Variants in RINT1 observed in about 807,000 individuals in gnomAD.
RINT1 encodes RAD50 interactor 1.
A neutral mutation model predicts 97.7 loss-of-function variants in RINT1; 75 were observed. That is an observed-to-expected ratio of 0.77 (90% CI 0.64 to 0.93). The LOEUF (loss-of-function observed/expected upper bound fraction) is 0.93, where lower values mean the gene tolerates loss of function less well. RINT1 is among the 40% of genes least tolerant of loss of function. RINT1 has a pLI of 0.00. For synonymous variants in RINT1, 303 were observed against 326.3 expected (o/e 0.93, Z 0.77); for missense variants, 892 against 925.2 (o/e 0.96, Z 0.47).
intron 11 of RINT1, among the ~76,000 whole-genome samples, chr7:105,557,503 A>T (rs1417934187): frequency 6.6e-6 from 1 of 152,160 alleles, no homozygotes; most frequent in African/African-American, 2.4e-5. Context: ...ATATATTCAA[A>T]CATGGACATG....
chr7:105,553,887 ATTTTTTTT>A (rs776924728), intron 10 of RINT1, among the ~76,000 whole-genome samples: 5 of 71,122 alleles, frequency 7.0e-5, no homozygotes, highest in Admixed American at 1.7e-4. Flanking sequence ...TACCCAGCTA[ATTTTTTTT>A]TTTTTTTTTT....
At chr7:105,549,537 C>T (rs886166837) in intron 7 of RINT1, among the ~76,000 whole-genome samples, 1 of 151,394 alleles carries the variant, frequency 6.6e-6, no homozygotes, top group South Asian at 2.1e-4. Flanking sequence ...TTAGGTGAGA[C>T]GGGGTTTCAC....
chr7:105,567,311 ATGTCTTTC>A lies in RINT1; in HGVS notation c.*1_*8del. 1 of 1,577,694 alleles carries A rather than the reference ATGTCTTTC, an allele frequency of 6.3e-7. No homozygotes were observed. The highest frequency in any genetic ancestry group is 2.2e-5 in the East Asian group (1 of 44,474). ...CAAATTGGCCTAATACTGGAAAATA[ATGTCTTTC>A]AGAAAAAGGTTTCTTTGGTTTTTGT... On this transcript the variant is annotated 3_prime_UTR_variant, in exon 15 of 15. Transcript: ENST00000257700.
chr7:105,532,814 C>T lies in RINT1; in HGVS notation c.43-10C>T, dbSNP rs765493808. The T allele has an allele frequency of 6.2e-7, 1 of 1,609,616 alleles. No homozygotes were observed. Reference sequence around the variant, plus strand: ...TCTTAATGTGCTTGTCACATCTGTTCTTCTTCTAGTGCTGCTCTGAAAGTG... The same window carrying T: ...TCTTAATGTGCTTGTCACATCTGTTTTTCTTCTAGTGCTGCTCTGAAAGTG... On this transcript the variant is annotated splice_polypyrimidine_tract_variant and intron_variant, in intron 1 of 14. Coordinates refer to ENST00000257700, the MANE Select transcript of RINT1 (RefSeq NM_021930.6).
chr7:105,545,482 G>T (rs1790625012), intron 4 of RINT1, among the ~76,000 whole-genome samples: 1 of 146,404 alleles, frequency 6.8e-6, no homozygotes, highest in African/African-American at 2.5e-5. Context: ...CTCATATTCT[G>T]TTTGTACATT....
At position 105,555,280 on chromosome 7, in the gene RINT1, A is replaced by G. The variant is rs914230515; in HGVS notation, c.1671+53A>G. On this transcript the variant is annotated intron_variant, in intron 11 of 14. Coordinates refer to ENST00000257700, the MANE Select transcript of RINT1 (RefSeq NM_021930.6). ...AATATATACTAGTTCGAACTATTTTATTAATACTTTTCAAAATGTTGAATC... is the reference window on the plus strand; with the variant it reads ...AATATATACTAGTTCGAACTATTTTGTTAATACTTTTCAAAATGTTGAATC... 8.5e-6 allele frequency: 12 copies of G among 1,415,670 alleles called. No homozygotes were observed. The African/African-American group carries it at 1.6e-4, about 19-fold the overall frequency. 87.7% of individuals were successfully genotyped at this position (1,415,670 alleles called of 1,614,324 possible). A position where few individuals can be genotyped will look rare whatever the true frequency, so the allele number is the denominator to read the frequency against.
rs1420553787 is a variant in RINT1 at position 105,567,118 on chromosome 7, G to A, written c.2187-1G>A. The A allele has an allele frequency of 2.6e-6, 4 of 1,549,634 alleles. No individual in the cohort carries two copies. Among genetic ancestry groups the A allele is most frequent in the Non-Finnish European group, 3.5e-6 (4 of 1,153,236 alleles). Reference sequence around the variant, plus strand: ...TTCCCTCCTTTGTTTTCCCTAAACAGTATAAAAGAAGCCTGTATTGTTTTG... The same window carrying A: ...TTCCCTCCTTTGTTTTCCCTAAACAATATAAAAGAAGCCTGTATTGTTTTG... On this transcript the variant is annotated splice_acceptor_variant, in intron 14 of 14. Transcript: ENST00000257700. LOFTEE classifies it high-confidence loss of function.
intron 11 of RINT1, among the ~76,000 whole-genome samples, chr7:105,560,181 AAAG>A (rs758865358): frequency 4.6e-5 from 7 of 152,178 alleles, no homozygotes; most frequent in Non-Finnish European, 1.0e-4. Context: ...TGCAATCTCA[AAAG>A]AAGAGTGCTG....
intron 11 of RINT1, chr7:105,555,490 C>T (rs1791141802): frequency 7.5e-6 from 2 of 265,536 alleles, no homozygotes; most frequent in African/African-American, 4.4e-5. Context: ...GTGAACCATA[C>T]TTGGAAATAT....
chr7:105,562,820 T>G (rs1791497438), intron 11 of RINT1, among the ~76,000 whole-genome samples: 1 of 152,104 alleles, frequency 6.6e-6, no homozygotes, highest in Non-Finnish European at 1.5e-5. Flanking sequence ...GGAGAATCGC[T>G]TGAACCCGGG....
chr7:105,544,024 C>T (rs575443492), intron 4 of RINT1, among the ~76,000 whole-genome samples: 4 of 151,422 alleles, frequency 2.6e-5, no homozygotes, highest in African/African-American at 9.7e-5. Flanking sequence ...TGCTTGGACT[C>T]GGGAGGCAGA....
chr7:105,565,236 A>G, intron 12 of RINT1, 41 bp from the exon 13 acceptor site: 1 of 1,550,420 alleles, frequency 6.4e-7, no homozygotes, highest in Non-Finnish European at 8.7e-7. Context: ...TGAAAAATAG[A>G]AACTGATGAA....
chr7:105,563,821 T>C lies in RINT1; in HGVS notation c.1760T>C (p.Met587Thr), dbSNP rs1471325020. The change falls in exon 12 of 15, where the codon ATG becomes ACG. Residue 587 changes from methionine to threonine, a missense_variant. Met to Thr is a moderately conservative substitution (Grantham distance 81, BLOSUM62 -1). Coordinates refer to ENST00000257700, the MANE Select transcript of RINT1 (RefSeq NM_021930.6). ...TTGCAGCTAGGACAGCTAGCCTCTA[T>C]GGAGAGCTCTGTCTTTGATGACATG... ...SKLQLGQLASMESSVFDDMIN... is the reference protein window; with the variant it reads ...SKLQLGQLASTESSVFDDMIN... 1.9e-6 allele frequency: 3 copies of C among 1,614,016 alleles called. No homozygotes were observed. Among genetic ancestry groups the C allele is most frequent in the Non-Finnish European group, 2.5e-6 (3 of 1,179,864 alleles).
Position 105,547,042 on chromosome 7 carries a change from A to G in RINT1, c.648A>G (p.Thr216=). 6.2e-7 allele frequency: 1 copy of G among 1,613,938 alleles called. No individual in the cohort carries two copies. Among genetic ancestry groups the G allele is most frequent in the East Asian group, 2.2e-5 (1 of 44,888 alleles). The change falls in exon 5 of 15, where the codon ACA becomes ACG. Residue 216 remains threonine (T), a synonymous_variant. Transcript: ENST00000257700. ...CTHLLGFMRA[T]VKFWHKILKD... ...ATCTTCTTGGTTTCATGAGAGCCAC[A>G]GTTAAATTCTGGCATAAAATTCTCA...
At chr7:105,534,777 A>G (rs1380987553) in intron 2 of RINT1, among the ~76,000 whole-genome samples, 3 of 152,040 alleles carry the variant, frequency 2.0e-5, no homozygotes, top group African/African-American at 7.2e-5. Context: ...TGCACTGAAC[A>G]GGAAAGGGGG....
Position 105,535,823 on chromosome 7 carries a change from C to G in RINT1, c.89-742C>G, listed in dbSNP as rs1352343634. ...ACAGTGCTGGGATTACAGGTGTGAG[C>G]CCCTGCGCCCGGTCTTTTTAAAAAC... is the stretch of plus-strand genomic sequence containing the variant. On this transcript the variant is annotated intron_variant, in intron 2 of 14. Coordinates refer to ENST00000257700, the MANE Select transcript of RINT1 (RefSeq NM_021930.6). 3.0e-5 allele frequency: 7 copies of G among 232,704 alleles called. No homozygotes were observed. In the Admixed American group the frequency reaches 3.1e-4, roughly 10 times the overall value. The allele number at this position is 232,704 out of a possible 1,614,324, so 14.4% of individuals were successfully genotyped here.
intron 11 of RINT1, among the ~76,000 whole-genome samples, chr7:105,555,524 A>T (rs1225294778): frequency 6.6e-6 from 1 of 152,250 alleles, no homozygotes; most frequent in Non-Finnish European, 1.5e-5. Context: ...TTGCAATCAC[A>T]GGAAGAGCTA....
Position 105,567,429 on chromosome 7 carries a change from T to C in RINT1, c.*118T>C. 1 of 767,680 alleles carries C rather than the reference T, an allele frequency of 1.3e-6. No homozygotes were observed. The allele number at this position is 767,680 out of a possible 1,614,324, so 47.6% of individuals were successfully genotyped here. On this transcript the variant is annotated 3_prime_UTR_variant, in exon 15 of 15. Coordinates refer to ENST00000257700, the MANE Select transcript of RINT1 (RefSeq NM_021930.6). ...AAACTGGAAAACTTTATAGAATTAC[T>C]TATTATCTTGGATTTATGGTGTTAT...
Position 105,540,492 on chromosome 7 carries a change from C to T in RINT1, c.274-1916C>T, listed in dbSNP as rs59779897. ...GGCAAGTGTGGTCTCAAACTCCTTA[C>T]CTCAAGTGATCCACCAGCTTCTGCC... On this transcript the variant is annotated intron_variant, in intron 3 of 14. Coordinates refer to ENST00000257700, the MANE Select transcript of RINT1 (RefSeq NM_021930.6). Among the ~76,000 whole-genome samples, 599 of 152,232 alleles carry T rather than the reference C, an allele frequency of 3.9e-3. 6 individuals are homozygous for T. Among genetic ancestry groups the T allele is most frequent in the African/African-American group, 0.014 (578 of 41,536 alleles).
Sources: gnomAD v4.1 joint callset for allele counts (sites outside exome capture counted in the v4.1 genomes callset) on GRCh38, gnomAD v4.1.1 for gene constraint, MANE v1.5 for transcripts, NCBI Gene and HGNC (gene_info 2026-07-23, HGNC 2026-07-21) for gene names.